Variants in RALGAPB observed in about 807,000 individuals in gnomAD.
RALGAPB encodes Ral GTPase activating protein non-catalytic subunit beta.
In RALGAPB, 25 loss-of-function variants were observed where a neutral mutation model predicts 161.1. That is an observed-to-expected ratio of 0.16 (90% CI 0.11 to 0.22). The LOEUF (loss-of-function observed/expected upper bound fraction) is 0.22. RALGAPB is among the 10% of genes least tolerant of loss of function. The probability of loss-of-function intolerance (pLI) is 1.00; values close to 1 mark genes in which losing one functional copy is unlikely to be tolerated. For synonymous variants in RALGAPB, 629 were observed against 626.1 expected (o/e 1.00, Z -0.07); for missense variants, 1,391 against 1,815.2 (o/e 0.77, Z 4.25).
At chr20:38,508,273 A>G (rs2085827483) in intron 5 of RALGAPB, among the ~76,000 whole-genome samples, 1 of 152,090 alleles carries the variant, frequency 6.6e-6, no homozygotes, top group Admixed American at 6.5e-5. Context: ...TATAACTACA[A>G]AATGGGAAGA....
chr20:38,484,571 G>A (rs1011112388), intron 1 of RALGAPB, among the ~76,000 whole-genome samples: 2 of 152,136 alleles, frequency 1.3e-5, no homozygotes, highest in African/African-American at 4.8e-5. Flanking sequence ...TTTGTTTTGA[G>A]TTTAGTTGAT....
At chr20:38,518,131 T>C in intron 9 of RALGAPB, 131 bp downstream of exon 9, 1 of 827,606 alleles carries the variant, frequency 1.2e-6, no homozygotes, top group South Asian at 1.8e-5. Context: ...CAATGTCTTG[T>C]GCTTAACCCC....
chr20:38,517,629 A>G lies in RALGAPB; in HGVS notation c.1175A>G (p.Asn392Ser), dbSNP rs749566527. 1.9e-6 allele frequency: 3 copies of G among 1,613,960 alleles called. No individual in the cohort carries two copies. Among genetic ancestry groups the G allele is most frequent in the South Asian group, 1.1e-5 (1 of 91,058 alleles). Residue 392 changes from asparagine (N) to serine (S), a missense_variant, in exon 8 of 30, where the codon AAT (asparagine) becomes AGT (serine). Transcript: ENST00000262879. ...CGGAGGCACCGGGCTGTTACTGTGA[A>G]TAAGGCCACCATGAAGACAAGCACA... is the stretch of plus-strand genomic sequence containing the variant. ...HNRRHRAVTV[N>S]KATMKTSTVS...
chr20:38,477,065 G>A (rs986080770), intron 1 of RALGAPB, among the ~76,000 whole-genome samples: 15 of 152,152 alleles, frequency 9.9e-5, no homozygotes, highest in African/African-American at 3.6e-4. Context: ...TAAAATAATA[G>A]TGTAGTATCT....
intron 1 of RALGAPB, among the ~76,000 whole-genome samples, chr20:38,485,634 C>G (rs2085091539): frequency 1.3e-5 from 2 of 152,104 alleles, no homozygotes; most frequent in African/African-American, 2.4e-5. Context: ...GCCCTGTTGG[C>G]CATGCTGGTC....
chr20:38,500,178 T>C (rs2085537315), intron 5 of RALGAPB, among the ~76,000 whole-genome samples: 1 of 152,142 alleles, frequency 6.6e-6, no homozygotes, highest in Non-Finnish European at 1.5e-5. Context: ...TCAATCGTGA[T>C]TTTAATATGC....
At chr20:38,564,460 G>A (rs777499760) in intron 24 of RALGAPB, among the ~76,000 whole-genome samples, 6 of 151,954 alleles carry the variant, frequency 3.9e-5, no homozygotes, top group Admixed American at 1.3e-4. Context: ...CAATTTTTTC[G>A]GTGAGAAATT....
At chr20:38,561,082 T>C (rs1370498146) in intron 23 of RALGAPB, among the ~76,000 whole-genome samples, 3 of 152,128 alleles carry the variant, frequency 2.0e-5, no homozygotes, top group African/African-American at 7.2e-5. Context: ...ATCCCAGCAC[T>C]TGGGAGGCCG....
chr20:38,549,583 TATAC>T, intron 20 of RALGAPB, among the ~76,000 whole-genome samples: 2 of 77,264 alleles, frequency 2.6e-5, no homozygotes, highest in African/African-American at 5.5e-5. Context: ...CACACATACA[TATAC>T]ACACACACAC....
At chr20:38,489,751 C>T (rs1301776403) in intron 2 of RALGAPB, among the ~76,000 whole-genome samples, 1 of 152,094 alleles carries the variant, frequency 6.6e-6, no homozygotes, top group Non-Finnish European at 1.5e-5. Flanking sequence ...GGGTAGGATC[C>T]TCCTTCAGCC....
chr20:38,565,539 A>T, intron 25 of RALGAPB, 61 bp downstream of exon 25: 1 of 1,556,470 alleles, frequency 6.4e-7, no homozygotes, highest in Non-Finnish European at 8.8e-7. Flanking sequence ...GGGTTGTGTG[A>T]TATTACTGCA....
At chr20:38,479,694 A>T (rs2084910049) in intron 1 of RALGAPB, among the ~76,000 whole-genome samples, 1 of 152,210 alleles carries the variant, frequency 6.6e-6, no homozygotes, top group African/African-American at 2.4e-5. Flanking sequence ...CTCTGCTAGC[A>T]GCTCAGGTTG....
chr20:38,565,469 G>A lies in RALGAPB; in HGVS notation c.3808G>A (p.Glu1270Lys), dbSNP rs1223561741. The A allele has an allele frequency of 1.9e-6, 3 of 1,613,426 alleles. No homozygotes were observed. ...TGCTTTTGTGGTTCCTTCTCCTGTG[G>A]AGTCCTTAAGTAAGATGATTTTTGC... ...EIAFVVPSPV[E>K]SLTDSLESNI... is the part of the protein sequence containing the mutation. Residue 1270 changes from glutamate to lysine, a missense_variant, in exon 25 of 30, where the codon GAG (glutamate) becomes AAG (lysine). Coordinates refer to ENST00000262879, the MANE Select transcript of RALGAPB (RefSeq NM_020336.4).
intron 19 of RALGAPB, chr20:38,547,267 C>T (rs912542794): frequency 6.6e-6 from 1 of 152,048 alleles, no homozygotes; most frequent in African/African-American, 2.4e-5. Flanking sequence ...TGGCATCAGC[C>T]AGTATGTAAA....
chr20:38,533,130 T>C (rs2086706099), intron 15 of RALGAPB, among the ~76,000 whole-genome samples: 1 of 152,116 alleles, frequency 6.6e-6, no homozygotes, highest in South Asian at 2.1e-4. Context: ...TTCTCTACCA[T>C]GTGTGGTGGT....
intron 18 of RALGAPB, 35 bp from the exon 19 acceptor site, chr20:38,546,208 T>C (rs999093633): frequency 1.8e-5 from 29 of 1,610,806 alleles, no homozygotes; most frequent in Non-Finnish European, 2.2e-5. Context: ...GATTTTGCTT[T>C]GGGAATTAAC....
intron 11 of RALGAPB, 44 bp from the exon 12 acceptor site, chr20:38,525,359 TG>T (rs760947792): frequency 7.4e-7 from 1 of 1,354,460 alleles, no homozygotes; most frequent in Non-Finnish European, 1.0e-6. Context: ...TAGCTAAAAA[TG>T]TGCTTTAGTT....
At chr20:38,560,068 T>C (rs985172701) in intron 23 of RALGAPB, among the ~76,000 whole-genome samples, 1 of 152,176 alleles carries the variant, frequency 6.6e-6, no homozygotes, top group African/African-American at 2.4e-5. Context: ...TTCAAATGAT[T>C]TGTGAGCTCC....
At chr20:38,507,396 A>G (rs2085794023) in intron 5 of RALGAPB, among the ~76,000 whole-genome samples, 1 of 151,938 alleles carries the variant, frequency 6.6e-6, no homozygotes, top group Non-Finnish European at 1.5e-5. Flanking sequence ...TTTTTGAGGC[A>G]GGGTCTTGCT....
Sources: allele counts gnomAD v4.1 joint callset (sites outside exome capture counted in the v4.1 genomes callset), GRCh38; gene constraint gnomAD v4.1.1; transcripts MANE v1.5; gene names NCBI Gene and HGNC (gene_info 2026-07-23, HGNC 2026-07-21).